Variants in NALCN observed in about 807,000 individuals in gnomAD.
NALCN encodes sodium leak channel NALCN.
Under a neutral mutation model 225.3 loss-of-function variants are expected in NALCN, and 111 were observed. The ratio of observed to expected loss-of-function variants is 0.49; its 90% CI spans 0.42 to 0.58. The LOEUF is 0.58. Ranked by LOEUF, NALCN falls within the 20% of genes least tolerant of loss-of-function variation. The probability of loss-of-function intolerance (pLI) is 0.00; values close to 1 mark genes in which losing one functional copy is unlikely to be tolerated. For missense variants in NALCN, 1,378 were observed against 2,202.4 expected (o/e 0.63, Z 7.49); for synonymous variants, 764 against 769.0 (o/e 0.99, Z 0.11).
intron 6 of NALCN, among the ~76,000 whole-genome samples, chr13:101,372,218 T>G (rs1347818996): frequency 6.6e-6 from 1 of 152,038 alleles, no homozygotes; most frequent in African/African-American, 2.4e-5. Flanking sequence ...CTGACAAAAA[T>G]AAGAGAGATT....
intron 6 of NALCN, among the ~76,000 whole-genome samples, chr13:101,349,966 T>C (rs1419836240): frequency 1.3e-5 from 2 of 152,196 alleles, no homozygotes; most frequent in African/African-American, 2.4e-5. Context: ...AGAATCATGC[T>C]TGATACCTAC....
intron 6 of NALCN, among the ~76,000 whole-genome samples, chr13:101,355,544 T>A (rs573272521): frequency 6.6e-6 from 1 of 152,220 alleles, no homozygotes; most frequent in African/African-American, 2.4e-5. Context: ...CCCAGATTCA[T>A]AAAACAAGTT....
intron 9 of NALCN, among the ~76,000 whole-genome samples, chr13:101,286,101 C>T (rs1261090026): frequency 6.6e-6 from 1 of 152,152 alleles, no homozygotes; most frequent in East Asian, 1.9e-4. Context: ...TCTCTTTAAT[C>T]CCCTGAATTA....
intron 36 of NALCN, 80 bp downstream of exon 36, chr13:101,074,434 C>A: frequency 7.5e-7 from 1 of 1,341,570 alleles, no homozygotes; most frequent in Non-Finnish European, 9.8e-7. Flanking sequence ...CTTTAATAGA[C>A]AAAAAACATT....
intron 15 of NALCN, among the ~76,000 whole-genome samples, chr13:101,172,424 C>T (rs1377683708): frequency 6.6e-6 from 1 of 152,010 alleles, no homozygotes; most frequent in African/African-American, 2.4e-5. Flanking sequence ...ATTATAATTT[C>T]TTCACTAGTA....
chr13:101,318,535 C>G (rs949955857), intron 7 of NALCN, among the ~76,000 whole-genome samples: 1 of 152,174 alleles, frequency 6.6e-6, no homozygotes, highest in Non-Finnish European at 1.5e-5. Context: ...ACACCTAGCA[C>G]TTTCAGCTAT....
intron 6 of NALCN, among the ~76,000 whole-genome samples, chr13:101,354,027 G>T (rs916935161): frequency 6.6e-6 from 1 of 152,112 alleles, no homozygotes; most frequent in Non-Finnish European, 1.5e-5. Flanking sequence ...GCAATGAGAG[G>T]GCATGAACAT....
At chr13:101,280,612 A>C (rs917994487) in intron 10 of NALCN, among the ~76,000 whole-genome samples, 5 of 152,170 alleles carry the variant, frequency 3.3e-5, no homozygotes, top group Admixed American at 2.0e-4. Flanking sequence ...CTGATTTGGC[A>C]CTCAGAGTAG....
At chr13:101,326,685 T>C (rs2044963314) in intron 7 of NALCN, among the ~76,000 whole-genome samples, 1 of 152,348 alleles carries the variant, frequency 6.6e-6, no homozygotes. Context: ...TTCAATGATA[T>C]GTTGCCATAT....
At chr13:101,235,330 C>G (rs1313591229) in intron 12 of NALCN, among the ~76,000 whole-genome samples, 1 of 152,124 alleles carries the variant, frequency 6.6e-6, no homozygotes, top group Non-Finnish European at 1.5e-5. Flanking sequence ...ATGTCAGAGA[C>G]TATAGCAATT....
intron 12 of NALCN, among the ~76,000 whole-genome samples, chr13:101,235,355 A>G (rs2041515183): frequency 6.6e-6 from 1 of 152,180 alleles, no homozygotes; most frequent in Non-Finnish European, 1.5e-5. Flanking sequence ...GGCCCTGAAT[A>G]TATTTTATAC....
At chr13:101,155,535 C>G (rs9554758) in intron 15 of NALCN, among the ~76,000 whole-genome samples, 6 of 151,918 alleles carry the variant, frequency 3.9e-5, no homozygotes, top group Admixed American at 3.9e-4. Flanking sequence ...GATGATACGC[C>G]CTTCTCGTCA....
chr13:101,237,546 G>A (rs1431601459), intron 12 of NALCN, among the ~76,000 whole-genome samples: 2 of 151,692 alleles, frequency 1.3e-5, no homozygotes, highest in Non-Finnish European at 2.9e-5. Context: ...TGAATTTTCA[G>A]GAGTTTTAAA....
chr13:101,369,047 A>G, intron 6 of NALCN: 1 of 345,606 alleles, frequency 2.9e-6, no homozygotes. Flanking sequence ...TAGATTCTTG[A>G]AATGAATTAT....
At chr13:101,274,969 G>A (rs1001145558) in intron 10 of NALCN, among the ~76,000 whole-genome samples, 1 of 152,184 alleles carries the variant, frequency 6.6e-6, no homozygotes, top group Admixed American at 6.5e-5. Flanking sequence ...AGCAGAGATG[G>A]GGCAAGGCTT....
chr13:101,208,508 G>A (rs996133037), intron 13 of NALCN, among the ~76,000 whole-genome samples: 8 of 152,232 alleles, frequency 5.3e-5, no homozygotes, highest in Admixed American at 2.6e-4. Flanking sequence ...TGTTTAATAT[G>A]TCTTTTAATC....
intron 7 of NALCN, among the ~76,000 whole-genome samples, chr13:101,304,771 T>TG (rs2044097883): frequency 6.7e-6 from 1 of 149,974 alleles, no homozygotes. Context: ...TTTTTTTTTT[T>TG]TTTGAGACGG....
rs2032572063 is a variant in NALCN at position 101,068,126 on chromosome 13, T to C, written c.4331-93A>G. On this transcript the variant is annotated intron_variant, in intron 38 of 43. Coordinates refer to ENST00000251127, the MANE Select transcript of NALCN (RefSeq NM_052867.4). ...AACATCTATTATTAATAATGGATTC[T>C]ATCACCTATATCATAAGCCAAATTT... 4 of 786,720 alleles carry C rather than the reference T, an allele frequency of 5.1e-6. No individual in the cohort carries two copies. In the East Asian group the frequency reaches 8.2e-5, roughly 16 times the overall value. The allele number at this position is 786,720 out of a possible 1,614,324, so 48.7% of individuals were successfully genotyped here.
intron 11 of NALCN, among the ~76,000 whole-genome samples, chr13:101,240,855 G>A (rs2041733498): frequency 6.6e-6 from 1 of 151,730 alleles, no homozygotes; most frequent in Non-Finnish European, 1.5e-5. Flanking sequence ...ATTTATTTTT[G>A]GAAAAAAACT....
Sources: allele counts gnomAD v4.1 joint callset (sites outside exome capture counted in the v4.1 genomes callset), GRCh38; gene constraint gnomAD v4.1.1; transcripts MANE v1.5; gene names NCBI Gene and HGNC (gene_info 2026-07-23, HGNC 2026-07-21).